NTRK3: variants seen among roughly 807,000 people sequenced by gnomAD.
NTRK3 encodes the protein neurotrophic receptor tyrosine kinase 3, also known as NT-3 growth factor receptor.
A neutral mutation model predicts 91.7 loss-of-function variants in NTRK3; 24 were observed. The observed-to-expected ratio is 0.26, with a 90% CI of 0.19 to 0.37. The LOEUF is 0.37. Among genes scored for constraint, NTRK3 ranks in the 10% least tolerant of loss-of-function variants. The pLI, the probability that NTRK3 is intolerant of heterozygous loss-of-function variation, is 1.00. For synonymous variants in NTRK3, 483 were observed against 404.0 expected, an observed-to-expected ratio of 1.20 and a Z score of -2.34; for missense variants, 880 against 1,068.9, an observed-to-expected ratio of 0.82 and a Z score of 2.46.
rs2052556795 is a variant in NTRK3, at chr15:88,243,532, G to C, written c.248+12374C>G. Among the ~76,000 whole-genome samples the C allele has an allele frequency of 2.5e-5, 2 of 80,328 alleles. No individual in the cohort carries two copies. Among genetic ancestry groups the C allele is most frequent in the Non-Finnish European group, 4.6e-5 (2 of 43,518 alleles). 52.7% of individuals were successfully genotyped at this position (80,328 alleles called of 152,430 possible). A position where few individuals can be genotyped will look rare whatever the true frequency, so the allele number is the denominator to read the frequency against. On this transcript the variant is annotated intron_variant, in intron 3 of 18. Transcript: ENST00000394480. The surrounding 1 kb of genome is among the most constrained non-coding windows in gnomAD (Gnocchi z 4.8). The stretch of plus-strand genomic sequence containing the variant: ...TTCTCACTTGATCCCATCCCCCATA[G>C]CATGCACACACACACACACACACAC...
At chr15:88,190,897 C>T (rs1308718637) in intron 3 of NTRK3, among the ~76,000 whole-genome samples, 1 of 152,208 alleles carries the variant, frequency 6.6e-6, no homozygotes, top group Non-Finnish European at 1.5e-5. Flanking sequence ...GTTAGAAATG[C>T]ATGTAAAGTA....
At chr15:87,894,020 G>T (rs1291990951) in intron 17 of NTRK3, among the ~76,000 whole-genome samples, 2 of 152,164 alleles carry the variant, frequency 1.3e-5, no homozygotes, top group Non-Finnish European at 2.9e-5. Context: ...TTGTCATAAA[G>T]GGTGTCATTT....
chr15:88,130,302 G>T (rs2151145513), intron 10 of NTRK3, among the ~76,000 whole-genome samples: 1 of 152,266 alleles, frequency 6.6e-6, no homozygotes, highest in South Asian at 2.1e-4. Context: ...AGAGAATTCT[G>T]ATTTTTAAAT....
chr15:88,030,124 T>G (rs954672126), intron 14 of NTRK3, among the ~76,000 whole-genome samples: 2 of 152,212 alleles, frequency 1.3e-5, no homozygotes, highest in Admixed American at 1.3e-4. Flanking sequence ...TGGAGTCATC[T>G]CATGATTTTC....
At chr15:88,195,031 C>T (rs531485574) in intron 3 of NTRK3, among the ~76,000 whole-genome samples, 16 of 152,280 alleles carry the variant, frequency 1.1e-4, no homozygotes, top group South Asian at 2.1e-4. Flanking sequence ...AAGTCAGGGG[C>T]GGACTGTGCC....
chr15:87,917,145 T>G (rs2067503963), intron 17 of NTRK3, among the ~76,000 whole-genome samples: 2 of 152,354 alleles, frequency 1.3e-5, no homozygotes, highest in South Asian at 4.1e-4. Context: ...AAACCACATT[T>G]ATCTCCACTA....
chr15:88,172,265 G>A (rs568549373), intron 5 of NTRK3, among the ~76,000 whole-genome samples: 1 of 152,362 alleles, frequency 6.6e-6, no homozygotes, highest in African/African-American at 2.4e-5. Context: ...GCTAAGGAAT[G>A]AAGAGGAACA....
chr15:88,156,817 T>C (rs1419634007), intron 5 of NTRK3, among the ~76,000 whole-genome samples: 1 of 152,184 alleles, frequency 6.6e-6, no homozygotes, highest in African/African-American at 2.4e-5. Context: ...TTTTTCAGTT[T>C]TATTTTCTTT....
chr15:87,933,380 G>A (rs573668282), intron 15 of NTRK3, among the ~76,000 whole-genome samples, 196 bp from the exon 16 acceptor site: 9 of 152,340 alleles, frequency 5.9e-5, no homozygotes, highest in South Asian at 4.1e-4. Flanking sequence ...CATCCCTGCA[G>A]AAATAGAAAC....
At chr15:88,148,091 TC>T (rs1198825231) in intron 5 of NTRK3, among the ~76,000 whole-genome samples, 1 of 152,212 alleles carries the variant, frequency 6.6e-6, no homozygotes, top group East Asian at 1.9e-4. Context: ...TGAAGTGGCA[TC>T]CCAGGAACAA....
At chr15:87,877,246 C>G (rs920151835) in intron 18 of NTRK3, 126 bp from the exon 20 acceptor site, 1 of 965,308 alleles carries the variant, frequency 1.0e-6, no homozygotes, top group Non-Finnish European at 1.6e-6. Flanking sequence ...CTCACAAGCA[C>G]AAGCTAAAGG....
chr15:87,924,655 C>T (rs2068142440), intron 17 of NTRK3, among the ~76,000 whole-genome samples: 1 of 152,176 alleles, frequency 6.6e-6, no homozygotes, highest in South Asian at 2.1e-4. Flanking sequence ...CAGCTGCATT[C>T]CACATCATCT....
chr15:87,928,792 G>C (rs1393936336), intron 17 of NTRK3: 2 of 304,366 alleles, frequency 6.6e-6, no homozygotes, highest in African/African-American at 4.2e-5. Context: ...ATGTGTCATG[G>C]GTGAGGCTAG....
chr15:87,927,104 G>A (rs960508522), intron 17 of NTRK3: 4 of 152,146 alleles, frequency 2.6e-5, no homozygotes, highest in South Asian at 2.1e-4. Flanking sequence ...CCTGGCCATC[G>A]GTCTATGACT....
At chr15:87,867,926 TTTAAAG>T (rs1395996824) in exon 19 of NTRK3, 1 of 228,360 alleles carries the variant, frequency 4.4e-6, no homozygotes, top group East Asian at 6.3e-5. Flanking sequence ...AATATGAAGG[TTTAAAG>T]AAACTCAAGA....
At chr15:88,001,972 T>A (rs2076127974) in intron 14 of NTRK3, among the ~76,000 whole-genome samples, 1 of 152,084 alleles carries the variant, frequency 6.6e-6, no homozygotes, top group East Asian at 1.9e-4. Flanking sequence ...TATACATACA[T>A]ACATGCCAGT....
chr15:88,139,034 T>C (rs929120432), intron 6 of NTRK3, among the ~76,000 whole-genome samples: 4 of 152,210 alleles, frequency 2.6e-5, no homozygotes, highest in Non-Finnish European at 5.9e-5. Flanking sequence ...TTCAATAAAT[T>C]CTTAATAAGC....
intron 16 of NTRK3, among the ~76,000 whole-genome samples, chr15:87,930,722 G>A (rs569556474): frequency 6.6e-6 from 1 of 152,290 alleles, no homozygotes; most frequent in Admixed American, 6.5e-5. Flanking sequence ...AGAGCTTCTG[G>A]TCTCAGAGAA....
At chr15:88,231,695 A>G (rs2051195215) in intron 3 of NTRK3, among the ~76,000 whole-genome samples, 1 of 152,164 alleles carries the variant, frequency 6.6e-6, no homozygotes, top group Admixed American at 6.5e-5. Flanking sequence ...TGTGTTCTTC[A>G]TAGTGAACAC....
Sources: gnomAD v4.1 joint callset for allele counts (sites outside exome capture counted in the v4.1 genomes callset) on GRCh38, gnomAD v4.1.1 for gene constraint, Gnocchi (gnomAD v3.1) non-coding constraint, MANE v1.5 for transcripts, NCBI Gene and HGNC (gene_info 2026-07-23, HGNC 2026-07-21) for gene names.